The following ZNF571 variants were observed in gnomAD, a reference collection of about 807,000 sequenced individuals.
ZNF571 encodes the protein zinc finger protein 571.
ZNF571 carries 4 observed loss-of-function variants against 7.7 expected under a neutral mutation model. The ratio of observed to expected loss-of-function variants is 0.52; its 90% confidence interval spans 0.25 to 1.18. The LOEUF is 1.18. Among genes scored for constraint, ZNF571 ranks in the 50% most tolerant of loss-of-function variants. The pLI, the probability that ZNF571 is intolerant of heterozygous loss-of-function variation, is 0.14. For missense variants in ZNF571, 704 were observed against 726.9 expected (o/e 0.97, Z 0.36); for synonymous variants, 251 against 232.4 (o/e 1.08, Z -0.73).
At chr19:37,574,370 A>C (rs1168404894) in intron 3 of ZNF571, among the ~76,000 whole-genome samples, 1 of 152,156 alleles carries the variant, frequency 6.6e-6, no homozygotes, top group African/African-American at 2.4e-5. Context: ...CAACAAAAAC[A>C]GCCCCCTCCG....
Position 37,564,842 on chromosome 19 carries a change from G to T in ZNF571, c.1586C>A (p.Pro529His). 4 of 1,614,012 alleles carry T rather than the reference G, an allele frequency of 2.5e-6. No individual in the cohort carries two copies. Among genetic ancestry groups the T allele is most frequent in the Admixed American group, 1.7e-5 (1 of 60,014 alleles). Reference sequence around the variant, plus strand: ...CTTCCCACACTGTTTACATTCATAAGGTTTTTCACCTCTGTGAATTCTCTG... The same window carrying T: ...CTTCCCACACTGTTTACATTCATAATGTTTTTCACCTCTGTGAATTCTCTG... ...EHQRIHRGEK[P>H]YECKQCGKAF... The change falls in exon 4 of 4, where the codon CCT becomes CAT. Residue 529 changes from proline to histidine, a missense_variant. Physicochemically the swap from Pro to His is moderately conservative, Grantham distance 77 (BLOSUM62 -2). Transcript: ENST00000451802.
At chr19:37,580,332 C>A (rs1402782607) in intron 3 of ZNF571, among the ~76,000 whole-genome samples, 1 of 152,238 alleles carries the variant, frequency 6.6e-6, no homozygotes, top group East Asian at 1.9e-4. Context: ...CAGTCTTCAC[C>A]ATCACAGGAT....
At chr19:37,580,389 C>T (rs1478310313) in intron 3 of ZNF571, among the ~76,000 whole-genome samples, 1 of 152,224 alleles carries the variant, frequency 6.6e-6, no homozygotes, top group Non-Finnish European at 1.5e-5. Flanking sequence ...CAACCTGAGC[C>T]AAAATCCATT....
intron 3 of ZNF571, among the ~76,000 whole-genome samples, chr19:37,576,040 C>CAT (rs773268616): frequency 6.0e-4 from 90 of 150,320 alleles, no homozygotes; most frequent in Non-Finnish European, 1.1e-3. Flanking sequence ...GGCATACATG[C>CAT]ATACACACAC....
chr19:37,567,448 ATTCATGGCCTACAAGCCCC>A, intron 3 of ZNF571, among the ~76,000 whole-genome samples: 1 of 152,312 alleles, frequency 6.6e-6, no homozygotes, highest in Non-Finnish European at 1.5e-5. Context: ...CCAAACTCCT[ATTCATGGCCTACAAGCCCC>A]TTTACGATCC....
At chr19:37,566,362 G>A in intron 3 of ZNF571, 71 bp from the exon 4 acceptor site, 1 of 1,480,426 alleles carries the variant, frequency 6.8e-7, no homozygotes, top group Non-Finnish European at 9.0e-7. Flanking sequence ...TGGTAAAAAT[G>A]ATAGATGAAA....
Position 37,584,684 on chromosome 19 carries a change from C to T in ZNF571, c.10-587G>A, listed in dbSNP as rs142271809. Among the ~76,000 whole-genome samples the T allele has an allele frequency of 6.6e-3, 1,005 of 152,208 alleles. 10 individuals carry two copies. The highest frequency in any genetic ancestry group is 0.012 in the Admixed American group (176 of 15,290). On this transcript the variant is annotated intron_variant, in intron 2 of 3. Coordinates refer to ENST00000451802, the MANE Select transcript of ZNF571 (RefSeq NM_016536.5). ...TATCTGAATTAGACAAATTCTCGGC[C>T]GGGCGCGGTGGCTCACGCTTGTAAT...
At chr19:37,588,661 A>G (rs533139989) in intron 1 of ZNF571, among the ~76,000 whole-genome samples, 55 of 152,304 alleles carry the variant, frequency 3.6e-4, no homozygotes, top group African/African-American at 1.3e-3. Context: ...GCATCACACA[A>G]TATGCCATAT....
chr19:37,566,406 G>GCAC, intron 3 of ZNF571, 115 bp from the exon 4 acceptor site: 2 of 1,202,618 alleles, frequency 1.7e-6, no homozygotes, highest in Non-Finnish European at 2.3e-6. Context: ...GGCTTAAACA[G>GCAC]TACAGAAATA....
intron 3 of ZNF571, among the ~76,000 whole-genome samples, chr19:37,576,389 A>G (rs986683642): frequency 6.6e-6 from 1 of 152,302 alleles, no homozygotes; most frequent in East Asian, 1.9e-4. Context: ...TTCTAGTGAG[A>G]ATGTCCTCTA....
intron 1 of ZNF571, chr19:37,586,986 A>G: frequency 2.9e-6 from 1 of 348,386 alleles, no homozygotes; most frequent in Non-Finnish European, 5.1e-6. Flanking sequence ...ACAGTAGAAC[A>G]GAGGCATGCC....
chr19:37,592,393 T>C (rs976287194), intron 1 of ZNF571, among the ~76,000 whole-genome samples: 2 of 152,208 alleles, frequency 1.3e-5, no homozygotes, highest in South Asian at 4.1e-4. Context: ...GCCACCACTC[T>C]CATGAAATTT....
At chr19:37,574,994 C>A (rs2043194120) in intron 3 of ZNF571, among the ~76,000 whole-genome samples, 2 of 152,092 alleles carry the variant, frequency 1.3e-5, no homozygotes, top group African/African-American at 4.8e-5. Context: ...TTTTCAAAAT[C>A]AAAAATCACC....
At position 37,588,028 on chromosome 19, in the gene ZNF571, A is replaced by T. The variant is rs113111072; in HGVS notation, c.-69-1283T>A. Among the ~76,000 whole-genome samples, 458 of 123,904 alleles carry T rather than the reference A, an allele frequency of 3.7e-3. 2 individuals are homozygous for T. Among genetic ancestry groups the T allele is most frequent in the African/African-American group, 0.014 (443 of 32,446 alleles). The allele number at this position is 123,904 out of a possible 152,430, so 81.3% of individuals were successfully genotyped here. A position where few individuals can be genotyped will look rare whatever the true frequency, so the allele number is the denominator to read the frequency against. ...GGCAGAAGAATCACTTGTACGCGGG[A>T]GGTGGAGGTTGCAGTGACCCAAGAT... On this transcript the variant is annotated intron_variant, in intron 1 of 3. Coordinates refer to ENST00000451802, the MANE Select transcript of ZNF571 (RefSeq NM_016536.5).
Position 37,565,670 on chromosome 19 carries a change from C to A in ZNF571, c.758G>T (p.Cys253Phe), listed in dbSNP as rs764552585. 2 of 1,613,500 alleles carry A rather than the reference C, an allele frequency of 1.2e-6. No homozygotes were observed. The highest frequency in any genetic ancestry group is 3.3e-5 in the Admixed American group (2 of 59,918). ...ACTAAAGGCTTTTCCACATTTCTTA[C>A]ATTCATATGGTTTCTCTCCTGTATG... ...RVHTGEKPYE[C>F]KKCGKAFSYC... Residue 253 changes from cysteine (C) to phenylalanine (F), a missense_variant, in exon 4 of 4, where the codon TGT (cysteine) becomes TTT (phenylalanine). Cys to Phe is a radical substitution (Grantham distance 205). Coordinates refer to ENST00000451802, the MANE Select transcript of ZNF571 (RefSeq NM_016536.5).
At chr19:37,570,318 G>A (rs1027677399) in intron 3 of ZNF571, among the ~76,000 whole-genome samples, 1 of 152,092 alleles carries the variant, frequency 6.6e-6, no homozygotes, top group African/African-American at 2.4e-5. Context: ...CCCCGCCTGT[G>A]ATTATTTTCT....
Position 37,569,529 on chromosome 19 carries a change from A to G in ZNF571, c.137-3238T>C, listed in dbSNP as rs1288609671. On this transcript the variant is annotated intron_variant, in intron 3 of 3. Transcript: ENST00000451802. The surrounding 1 kb of genome is among the most constrained non-coding windows in gnomAD (Gnocchi z 4.4). ...CATAAAACAAGGATGTCATAAAATTATCTTTGCTATATGTATTATATATTC... is the reference window on the plus strand; with the variant it reads ...CATAAAACAAGGATGTCATAAAATTGTCTTTGCTATATGTATTATATATTC... Among the ~76,000 whole-genome samples, 1 of 152,228 alleles carries G rather than the reference A, an allele frequency of 6.6e-6. No homozygotes were observed. The highest frequency in any genetic ancestry group is 1.5e-5 in the Non-Finnish European group (1 of 68,044).
At chr19:37,591,807 G>A (rs934409988) in intron 1 of ZNF571, among the ~76,000 whole-genome samples, 10 of 152,148 alleles carry the variant, frequency 6.6e-5, no homozygotes, top group Non-Finnish European at 1.2e-4. Context: ...GCCTCCCAAA[G>A]TGTTGGGATT....
intron 3 of ZNF571, chr19:37,583,693 C>T (rs17245425): frequency 0.074 from 19,883 of 267,976 alleles, 999 homozygotes; most frequent in Non-Finnish European, 0.1. Flanking sequence ...ACTGCACATA[C>T]AGCTTAAAAG....
Sources: allele counts gnomAD v4.1 joint callset (sites outside exome capture counted in the v4.1 genomes callset), GRCh38; gene constraint gnomAD v4.1.1; non-coding constraint Gnocchi (gnomAD v3.1); transcripts MANE v1.5; gene names NCBI Gene and HGNC (gene_info 2026-07-23, HGNC 2026-07-21).